CLDN14: variants seen among roughly 807,000 people sequenced by gnomAD.
The protein encoded by CLDN14 is claudin 14.
A neutral mutation model predicts 2.1 loss-of-function variants in CLDN14; 2 were observed. That is an observed-to-expected ratio of 0.96 (90% CI 0.39 to 3.01). The LOEUF (loss-of-function observed/expected upper bound fraction) is 3.01, where lower values mean the gene tolerates loss of function less well. Among genes scored for constraint, CLDN14 ranks in the 30% most tolerant of loss-of-function variants. The pLI, the probability that CLDN14 is intolerant of heterozygous loss-of-function variation, is 0.09. For synonymous variants in CLDN14, 136 were observed against 154.4 expected (o/e 0.88, Z 0.88); for missense variants, 298 against 328.0 (o/e 0.91, Z 0.71).
intron 1 of CLDN14, among the ~76,000 whole-genome samples, chr21:36,513,809 A>T (rs930334390): frequency 1.3e-5 from 2 of 152,092 alleles, no homozygotes; most frequent in Admixed American, 1.3e-4. Flanking sequence ...GGCCCCTGGG[A>T]TAATTGATAC....
chr21:36,492,761 T>C (rs1430602360), intron 2 of CLDN14, among the ~76,000 whole-genome samples: 1 of 152,162 alleles, frequency 6.6e-6, no homozygotes, highest in African/African-American at 2.4e-5. Context: ...GTGGGGATGA[T>C]GCGACTACAA....
intron 1 of CLDN14, among the ~76,000 whole-genome samples, chr21:36,537,991 G>A (rs956429662): frequency 6.9e-6 from 1 of 145,274 alleles, no homozygotes; most frequent in African/African-American, 2.5e-5. Flanking sequence ...AAAACAAAAT[G>A]TGTGTGTGTG....
intron 1 of CLDN14, among the ~76,000 whole-genome samples, chr21:36,575,419 T>C (rs1057414506): frequency 3.9e-5 from 6 of 152,172 alleles, no homozygotes; most frequent in African/African-American, 1.4e-4. Context: ...ATTTTACAGA[T>C]GAGGAAACAG....
intron 1 of CLDN14, among the ~76,000 whole-genome samples, chr21:36,517,371 C>G (rs576770027): frequency 6.6e-6 from 1 of 152,306 alleles, no homozygotes; most frequent in East Asian, 1.9e-4. Context: ...TGGCCCTTTA[C>G]AGTAAAAGTT....
chr21:36,539,370 G>A (rs968428553), intron 1 of CLDN14, among the ~76,000 whole-genome samples: 6 of 145,812 alleles, frequency 4.1e-5, no homozygotes, highest in Non-Finnish European at 1.5e-5. Flanking sequence ...TGTATGTGCG[G>A]AGTGAGTGTG....
intron 2 of CLDN14, among the ~76,000 whole-genome samples, chr21:36,506,714 G>T (rs1044105073): frequency 6.6e-6 from 1 of 152,278 alleles, no homozygotes; most frequent in Admixed American, 6.5e-5. Flanking sequence ...AAGGGTCAAG[G>T]TCGGGGAGGA....
intron 1 of CLDN14, among the ~76,000 whole-genome samples, chr21:36,528,277 T>C (rs1035871187): frequency 1.3e-5 from 2 of 152,236 alleles, no homozygotes. Context: ...GGTTAGGGTA[T>C]TCCATGCTTT....
chr21:36,571,073 C>T (rs2087706901), intron 1 of CLDN14, among the ~76,000 whole-genome samples: 1 of 152,204 alleles, frequency 6.6e-6, no homozygotes, highest in Non-Finnish European at 1.5e-5. Flanking sequence ...AACTCCTGAC[C>T]TCATGATCTG....
At chr21:36,492,921 G>C (rs1302697427) in intron 2 of CLDN14, among the ~76,000 whole-genome samples, 3 of 152,214 alleles carry the variant, frequency 2.0e-5, no homozygotes, top group Non-Finnish European at 1.5e-5. Context: ...GATGTTCTCT[G>C]TAGGAGGAAG....
chr21:36,523,044 A>G (rs947340664), intron 1 of CLDN14, among the ~76,000 whole-genome samples: 3 of 150,658 alleles, frequency 2.0e-5, no homozygotes, highest in Non-Finnish European at 4.4e-5. Flanking sequence ...GGCAGTGACC[A>G]CCCCTCCCCA....
intron 1 of CLDN14, among the ~76,000 whole-genome samples, chr21:36,515,104 T>C (rs1460706477): frequency 6.6e-6 from 1 of 152,168 alleles, no homozygotes; most frequent in African/African-American, 2.4e-5. Flanking sequence ...GCTTTTGCAC[T>C]ATTGGGGATG....
chr21:36,576,166 A>C (rs1470212010), intron 1 of CLDN14, among the ~76,000 whole-genome samples: 1 of 152,192 alleles, frequency 6.6e-6, no homozygotes, highest in African/African-American at 2.4e-5. Context: ...GATTCTAGGC[A>C]GTCAGGGTCA....
Position 36,498,708 on chromosome 21 carries a change from G to T in CLDN14, c.-82+11655C>A, listed in dbSNP as rs1334431760. 6.6e-6 allele frequency among the ~76,000 whole-genome samples: 1 copy of T among 152,154 alleles called. No homozygotes were observed. Among genetic ancestry groups the T allele is most frequent in the African/African-American group, 2.4e-5 (1 of 41,430 alleles). ...GTGGCAGACAGCAGCCTACAGAAAGGTGGGGGCACCTCTCAGCTGGCCTTC... is the reference window on the plus strand; with the variant it reads ...GTGGCAGACAGCAGCCTACAGAAAGTTGGGGGCACCTCTCAGCTGGCCTTC... On this transcript the variant is annotated intron_variant, in intron 2 of 2. Transcript: ENST00000342108. This position sits in a 1 kb window ranked among gnomAD's most constrained non-coding sequence, Gnocchi z 4.9.
chr21:36,503,224 T>C (rs1459024744), intron 2 of CLDN14, among the ~76,000 whole-genome samples: 1 of 152,184 alleles, frequency 6.6e-6, no homozygotes, highest in Non-Finnish European at 1.5e-5. Context: ...GGGCTAATTT[T>C]TGTATTTTTA....
At chr21:36,482,078 G>C (rs1258207292), upstream of CLDN14, among the ~76,000 whole-genome samples, 1 of 152,098 alleles carries the variant, frequency 6.6e-6, no homozygotes, top group African/African-American at 2.4e-5. Flanking sequence ...TCTGCCCTTG[G>C]GTCTGGTTTT....
In CLDN14 at chr21:36,461,443, C is replaced by T; in HGVS notation, c.253G>A (p.Val85Ile). ...QDLQAARALM[V>I]ISCLLSGIAC... ...ATGCCCGAGAGCAGGCAGGAGATGA[C>T]CATGAGGGCGCGGGCAGCCTGGAGG... Residue 85 changes from valine to isoleucine, a missense_variant, in exon 2 of 2, where the codon GTC becomes ATC. Transcript: ENST00000399135. 3.1e-6 allele frequency: 5 copies of T among 1,613,366 alleles called. No individual in the cohort carries two copies. The highest frequency in any genetic ancestry group is 4.2e-6 in the Non-Finnish European group (5 of 1,180,008).
chr21:36,576,278 T>A (rs1445038989), intron 1 of CLDN14: 2 of 152,264 alleles, frequency 1.3e-5, no homozygotes, highest in African/African-American at 4.8e-5. Flanking sequence ...TTTCTTTCCT[T>A]GAACTCCTTG....
At position 36,460,741 on chromosome 21, in the gene CLDN14, TAAATA is replaced by T. The variant is rs2086555557; in HGVS notation, c.*230_*234del. ...AAATCACCCACATAAATATATATAATAAATACAAAAACAGACAGGATTTTTTTTTT... is the reference window on the plus strand; with the variant it reads ...AAATCACCCACATAAATATATATAATCAAAAACAGACAGGATTTTTTTTTT... On this transcript the variant is annotated 3_prime_UTR_variant, in exon 2 of 2. Transcript: ENST00000399135. The surrounding 1 kb of genome is among the most constrained non-coding windows in gnomAD (Gnocchi z 4.0). The T allele has an allele frequency of 6.8e-5, 36 of 527,736 alleles. 1 individual carries two copies. The South Asian group carries it at 8.3e-4, about 12-fold the overall frequency. The allele number at this position is 527,736 out of a possible 1,614,324, so 32.7% of individuals were successfully genotyped here.
chr21:36,565,448 C>T (rs148420998), intron 1 of CLDN14, among the ~76,000 whole-genome samples: 263 of 151,280 alleles, frequency 1.7e-3, no homozygotes, highest in Non-Finnish European at 2.5e-3. Flanking sequence ...TGCAACTCTG[C>T]CTTGTTGGAA....
Sources: allele counts gnomAD v4.1 joint callset (sites outside exome capture counted in the v4.1 genomes callset), GRCh38; gene constraint gnomAD v4.1.1; non-coding constraint Gnocchi (gnomAD v3.1); transcripts MANE v1.5; gene names NCBI Gene and HGNC (gene_info 2026-07-23, HGNC 2026-07-21).